Variants in WDR46 observed in about 807,000 individuals in gnomAD.
WDR46 encodes the protein WD repeat-containing protein 46.
In WDR46, 58 loss-of-function variants were observed where a neutral mutation model predicts 74.7. The ratio of observed to expected loss-of-function variants is 0.78; its 90% CI spans 0.63 to 0.97. The LOEUF is 0.97. WDR46 is among the 50% of genes least tolerant of loss of function. The pLI, the probability that WDR46 is intolerant of heterozygous loss-of-function variation, is 0.00. For missense variants in WDR46, 702 were observed against 790.1 expected, an observed-to-expected ratio of 0.89 and a Z score of 1.34; for synonymous variants, 278 against 297.3, an observed-to-expected ratio of 0.93 and a Z score of 0.67.
intron 10 of WDR46, chr6:33,284,546 T>C (rs1235676379): frequency 6.5e-6 from 1 of 153,732 alleles, no homozygotes; most frequent in Non-Finnish European, 1.5e-5. Context: ...TGAATGACAA[T>C]GATGAACACA....
intron 10 of WDR46, among the ~76,000 whole-genome samples, chr6:33,282,318 C>T (rs1239638010): frequency 1.3e-5 from 2 of 151,880 alleles, no homozygotes; most frequent in Admixed American, 6.5e-5. Flanking sequence ...ACAAGATAAT[C>T]AGCGCCCTGA....
chr6:33,288,407 T>C lies in WDR46; in HGVS notation c.424A>G (p.Thr142Ala), dbSNP rs1346076014. The C allele has an allele frequency of 6.2e-7, 1 of 1,614,176 alleles. No individual in the cohort carries two copies. Among genetic ancestry groups the C allele is most frequent in the Non-Finnish European group, 8.5e-7 (1 of 1,180,030 alleles). Reference protein sequence around the residue: ...LEVAEAEEEETSIKAARSELL... With the variant: ...LEVAEAEEEEASIKAARSELL... The stretch of plus-strand genomic sequence containing the variant: ...TCAGAACGAGCAGCTTTGATACTTG[T>C]TTCCTCTTCCTCAGCTTCAGCCACC... The change falls in exon 4 of 15, where the codon ACA becomes GCA. Residue 142 changes from threonine (T) to alanine (A), a missense_variant. Physicochemically the swap from Thr to Ala is moderately conservative, Grantham distance 58. Transcript: ENST00000374617.
rs767054969 is a variant in WDR46 at position 33,287,432 on chromosome 6, C to T, written c.802G>A (p.Glu268Lys). 1.2e-6 allele frequency: 2 copies of T among 1,612,382 alleles called. No individual in the cohort carries two copies. Among genetic ancestry groups the T allele is most frequent in the Non-Finnish European group, 1.7e-6 (2 of 1,179,794 alleles). Reference sequence around the variant, plus strand: ...TCACAGCGGCGGATACAGTGGAGCTCAATGCCCTGATTGTCATAGATGTGG... The same window carrying T: ...TCACAGCGGCGGATACAGTGGAGCTTAATGCCCTGATTGTCATAGATGTGG... ...WLHIYDNQGI[E>K]LHCIRRCDRV... Residue 268 changes from glutamate to lysine, a missense_variant, in exon 8 of 15, where the codon GAG (glutamate) becomes AAG (lysine). Coordinates refer to ENST00000374617, the MANE Select transcript of WDR46 (RefSeq NM_005452.6).
At position 33,280,673 on chromosome 6, in the gene WDR46, C is replaced by T; in HGVS notation, c.1429+1G>A. ...CAAGCCCCATCCCCTGGCCCACTCA[C>T]CAGGGACCAGCATGCTGGTGATGCC... is the stretch of plus-strand genomic sequence containing the variant. On this transcript the variant is annotated splice_donor_variant, in intron 11 of 14. Transcript: ENST00000374617. LOFTEE classifies it high-confidence loss of function. The T allele has an allele frequency of 1.3e-6, 2 of 1,583,060 alleles. No individual in the cohort carries two copies. Among genetic ancestry groups the T allele is most frequent in the Non-Finnish European group, 1.7e-6 (2 of 1,161,402 alleles).
chr6:33,288,626 G>A lies in WDR46; in HGVS notation c.348C>T (p.Asp116=), dbSNP rs1439321860. The A allele has an allele frequency of 6.2e-7, 1 of 1,612,962 alleles. No homozygotes were observed. Among genetic ancestry groups the A allele is most frequent in the Non-Finnish European group, 8.5e-7 (1 of 1,179,576 alleles). ...VEVVQKFCRI[D]KSRKLPHSKA... ...GGCTGGACCTCACCTTTCGGGATTTGTCAATGCGACAGAACTTCTGGACCA... is the reference window on the plus strand; with the variant it reads ...GGCTGGACCTCACCTTTCGGGATTTATCAATGCGACAGAACTTCTGGACCA... The change falls in exon 3 of 15, where the codon GAC becomes GAT. Residue 116 remains aspartate (D), a synonymous_variant. Coordinates refer to ENST00000374617, the MANE Select transcript of WDR46 (RefSeq NM_005452.6).
At position 33,279,828 on chromosome 6, in the gene WDR46, C is replaced by A; in HGVS notation, c.1556G>T (p.Arg519Leu). The change falls in exon 13 of 15, where the codon CGA becomes CTA. Residue 519 changes from arginine to leucine, a missense_variant. Coordinates refer to ENST00000374617, the MANE Select transcript of WDR46 (RefSeq NM_005452.6). ...VPAELICLDP[R>L]ALAEVDVISL... Reference sequence around the variant, plus strand: ...GATGACATCCACCTCGGCCAGGGCTCGTGGGTCCAGACAAATAAGCTCTGC... The same window carrying A: ...GATGACATCCACCTCGGCCAGGGCTAGTGGGTCCAGACAAATAAGCTCTGC... 6.2e-7 allele frequency: 1 copy of A among 1,614,022 alleles called. No homozygotes were observed. Among genetic ancestry groups the A allele is most frequent in the Non-Finnish European group, 8.5e-7 (1 of 1,179,976 alleles).
rs9277966 is a variant in WDR46, at chr6:33,288,757, A to C, written c.279+47T>G. 5.7e-3 allele frequency: 9,181 copies of C among 1,613,340 alleles called. 42 individuals carry two copies. Among genetic ancestry groups the C allele is most frequent in the Admixed American group, 8.0e-3 (482 of 59,906 alleles). ...GATTGACCCCAACCCTCTCACTCTCAAGGAACGAGGCGGCCTGCCTCGCCA... is the reference window on the plus strand; with the variant it reads ...GATTGACCCCAACCCTCTCACTCTCCAGGAACGAGGCGGCCTGCCTCGCCA... On this transcript the variant is annotated intron_variant, in intron 2 of 14. Coordinates refer to ENST00000374617, the MANE Select transcript of WDR46 (RefSeq NM_005452.6).
chr6:33,281,264 C>G (rs1167338048), intron 10 of WDR46, among the ~76,000 whole-genome samples: 1 of 152,128 alleles, frequency 6.6e-6, no homozygotes, highest in Non-Finnish European at 1.5e-5. Context: ...TGCCTCTAAC[C>G]TGCTAACACC....
chr6:33,281,909 C>T (rs1581670305), intron 10 of WDR46, among the ~76,000 whole-genome samples: 1 of 152,230 alleles, frequency 6.6e-6, no homozygotes, highest in Non-Finnish European at 1.5e-5. Context: ...CCCTGGCTCA[C>T]TGCAGCCTCT....
intron 10 of WDR46, among the ~76,000 whole-genome samples, chr6:33,285,257 C>G (rs965764890): frequency 1.3e-5 from 2 of 151,754 alleles, no homozygotes; most frequent in African/African-American, 4.8e-5. Flanking sequence ...TGCTAGAGTG[C>G]AGTGGCATGA....
At chr6:33,288,760 G>A in intron 2 of WDR46, 44 bp downstream of exon 2, 1 of 1,613,310 alleles carries the variant, frequency 6.2e-7, no homozygotes, top group Non-Finnish European at 8.5e-7. Context: ...CACTCTCAAG[G>A]AACGAGGCGG....
At position 33,286,906 on chromosome 6, in the gene WDR46, G is replaced by A. The variant is rs770782877; in HGVS notation, c.1016-12C>T. The A allele has an allele frequency of 3.1e-6, 5 of 1,613,816 alleles. No individual in the cohort carries two copies. The highest frequency in any genetic ancestry group is 3.4e-6 in the Non-Finnish European group (4 of 1,179,834). On this transcript the variant is annotated splice_polypyrimidine_tract_variant and intron_variant, in intron 9 of 14. Coordinates refer to ENST00000374617, the MANE Select transcript of WDR46 (RefSeq NM_005452.6). Reference sequence around the variant, plus strand: ...TAAAGACACAGTACCTGGAAGAGAAGAAGAACCAAAGTTGCTAATACACAC... The same window carrying A: ...TAAAGACACAGTACCTGGAAGAGAAAAAGAACCAAAGTTGCTAATACACAC...
intron 9 of WDR46, 85 bp downstream of exon 9, chr6:33,287,006 G>C (rs1766709363): frequency 1.3e-6 from 2 of 1,584,404 alleles, no homozygotes; most frequent in South Asian, 2.3e-5. Context: ...GAAATAAAAG[G>C]GTAACTTTAA....
Position 33,288,880 on chromosome 6 carries a change from C to A in WDR46, c.203G>T (p.Arg68Leu). The change falls in exon 2 of 15, where the codon CGG becomes CTG. Residue 68 changes from arginine to leucine, a missense_variant. Physicochemically the swap from Arg to Leu is moderately radical, Grantham distance 102 (BLOSUM62 -2). Transcript: ENST00000374617. ...PKNAYILKKS[R>L]ISKKPQVPKK... ...CGGGACCTGAGGCTTCTTAGAGATC[C>A]GAGACTTCTTTAAGATGTAAGCATT... 6.2e-7 allele frequency: 1 copy of A among 1,614,116 alleles called. No individual in the cohort carries two copies.
intron 10 of WDR46, among the ~76,000 whole-genome samples, chr6:33,285,685 G>A (rs766456673): frequency 9.2e-5 from 14 of 151,858 alleles, no homozygotes; most frequent in African/African-American, 1.7e-4. Flanking sequence ...CACGACACCC[G>A]GCTAATTTTG....
rs754568217 is a variant in WDR46, at chr6:33,288,020, C to A, written c.568G>T (p.Asp190Tyr). The A allele has an allele frequency of 1.2e-6, 2 of 1,614,144 alleles. No individual in the cohort carries two copies. Among genetic ancestry groups the A allele is most frequent in the Admixed American group, 1.7e-5 (1 of 60,024 alleles). ...VDIASAAKHF[D>Y]LNLRQFGPYR... The stretch of plus-strand genomic sequence containing the variant: ...GGTCCAAACTGCCGCAGATTCAAGT[C>A]AAAGTGCTGGGAAAGAGAAGAGTGA... Residue 190 changes from aspartate (D) to tyrosine (Y), a missense_variant, in exon 6 of 15, where the codon GAC becomes TAC. Transcript: ENST00000374617.
At chr6:33,280,628 C>T (rs1313964380) in intron 11 of WDR46, 46 bp downstream of exon 11, 2 of 1,595,394 alleles carry the variant, frequency 1.3e-6, no homozygotes, top group East Asian at 4.5e-5. Flanking sequence ...CCCAAACTTC[C>T]ACCCAGAGTT....
chr6:33,287,599 A>G lies in WDR46; in HGVS notation c.728+15T>C. ...TATCTCACCCCAACTGACCGCTGACAGTGAGGCCACTGACCGGATGTCCCG... is the reference window on the plus strand; with the variant it reads ...TATCTCACCCCAACTGACCGCTGACGGTGAGGCCACTGACCGGATGTCCCG... On this transcript the variant is annotated intron_variant, in intron 7 of 14. Coordinates refer to ENST00000374617, the MANE Select transcript of WDR46 (RefSeq NM_005452.6). 1 of 1,613,852 alleles carries G rather than the reference A, an allele frequency of 6.2e-7. No individual in the cohort carries two copies.
chr6:33,280,832 T>C lies in WDR46; in HGVS notation c.1271A>G (p.Asn424Ser), dbSNP rs1331642005. The C allele has an allele frequency of 8.1e-6, 13 of 1,614,100 alleles. No individual in the cohort carries two copies. Among genetic ancestry groups the C allele is most frequent in the Non-Finnish European group, 1.1e-5 (13 of 1,180,044 alleles). ...LLVAGMGDVV[N>S]IWAGQGKASP... is the part of the protein sequence containing the mutation. ...GGCCTTGCCCTGCCCTGCCCAGATG[T>C]TGACAACGTCACCCATTCCCGCCAC... Residue 424 changes from asparagine to serine, a missense_variant, in exon 11 of 15, where the codon AAC (asparagine) becomes AGC (serine). Physicochemically the swap from Asn to Ser is conservative, Grantham distance 46. Transcript: ENST00000374617.
Sources: allele counts gnomAD v4.1 joint callset (sites outside exome capture counted in the v4.1 genomes callset), GRCh38; gene constraint gnomAD v4.1.1; transcripts MANE v1.5; gene names NCBI Gene and HGNC (gene_info 2026-07-23, HGNC 2026-07-21).